Variants in DNAJC6 observed in about 807,000 individuals in gnomAD.
The protein encoded by DNAJC6 is auxilin.
A neutral mutation model predicts 110.0 loss-of-function variants in DNAJC6; 34 were observed. The observed-to-expected ratio is 0.31, with a 90% CI of 0.24 to 0.41. DNAJC6 has a LOEUF of 0.41. Among genes scored for constraint, DNAJC6 ranks in the 10% least tolerant of loss-of-function variants. The probability of loss-of-function intolerance (pLI) is 1.00; values close to 1 mark genes in which losing one functional copy is unlikely to be tolerated. For synonymous variants in DNAJC6, 406 were observed against 437.2 expected, an observed-to-expected ratio of 0.93 and a Z score of 0.89; for missense variants, 1,031 against 1,207.8, an observed-to-expected ratio of 0.85 and a Z score of 2.17.
At chr1:65,387,873 G>T (rs1437881332) in intron 8 of DNAJC6, among the ~76,000 whole-genome samples, 1 of 152,174 alleles carries the variant, frequency 6.6e-6, no homozygotes, top group Non-Finnish European at 1.5e-5. Context: ...GCCTTTAAGG[G>T]ACTCAATTTC....
At chr1:65,362,235 G>C (rs1046941496) in intron 1 of DNAJC6, among the ~76,000 whole-genome samples, 1 of 149,140 alleles carries the variant, frequency 6.7e-6, no homozygotes, top group Non-Finnish European at 1.5e-5. Flanking sequence ...TATAACATAG[G>C]AATAATAATA....
chr1:65,372,130 A>G (rs1306833874), intron 4 of DNAJC6, among the ~76,000 whole-genome samples: 1 of 148,794 alleles, frequency 6.7e-6, no homozygotes, highest in Non-Finnish European at 1.5e-5. Context: ...GACTCATTAC[A>G]GATATTGACA....
At chr1:65,302,523 CTTTTT>C (rs1169755787) in intron 1 of DNAJC6, among the ~76,000 whole-genome samples, 3 of 85,336 alleles carry the variant, frequency 3.5e-5, no homozygotes, top group African/African-American at 1.0e-4. Flanking sequence ...CTCTTCCTTT[CTTTTT>C]TTTTTTTTTT....
At chr1:65,349,079 AAT>A (rs1645465532) in intron 1 of DNAJC6, among the ~76,000 whole-genome samples, 4 of 109,118 alleles carry the variant, frequency 3.7e-5, no homozygotes, top group Non-Finnish European at 7.2e-5. Context: ...CATATATAAA[AAT>A]ATATATGTAA....
chr1:65,392,765 G>A lies in DNAJC6; in HGVS notation c.1803G>A (p.Val601=). 6.2e-7 allele frequency: 1 copy of A among 1,611,950 alleles called. No individual in the cohort carries two copies. The highest frequency in any genetic ancestry group is 8.5e-7 in the Non-Finnish European group (1 of 1,179,032). The change falls in exon 12 of 19, where the codon GTG becomes GTA. Residue 601 remains valine, a synonymous_variant. Transcript: ENST00000371069. The stretch of plus-strand genomic sequence containing the variant: ...CCACCCAGGCTGGACAGTCAGGAGT[G>A]GAAGATGTGTTTCATCCTAGTGGAC... ...AGPTQAGQSG[V]EDVFHPSGPA...
At chr1:65,357,647 G>C (rs554369043) in intron 1 of DNAJC6, among the ~76,000 whole-genome samples, 10 of 152,194 alleles carry the variant, frequency 6.6e-5, no homozygotes, top group African/African-American at 2.2e-4. Context: ...GTAGAAGGAT[G>C]TTCCTTCCTG....
chr1:65,329,603 G>T (rs530596107), intron 1 of DNAJC6, among the ~76,000 whole-genome samples: 1 of 152,182 alleles, frequency 6.6e-6, no homozygotes, highest in South Asian at 2.1e-4. Context: ...TCAGGATCGT[G>T]TAGCCAGATT....
intron 1 of DNAJC6, among the ~76,000 whole-genome samples, chr1:65,362,390 T>G (rs558031582): frequency 6.6e-6 from 1 of 152,340 alleles, no homozygotes; most frequent in South Asian, 2.1e-4. Flanking sequence ...ATTCTTTATT[T>G]TGAAAATCTT....
intron 1 of DNAJC6, among the ~76,000 whole-genome samples, chr1:65,347,460 G>T (rs748202296): frequency 4.9e-4 from 74 of 150,812 alleles, no homozygotes; most frequent in South Asian, 1.0e-3. Flanking sequence ...CAGCCATTTG[G>T]TTTCTTTCTG....
rs1443324565 is a variant in DNAJC6, at chr1:65,415,644, A to G, written c.*2619A>G. 1 of 152,266 alleles carries G rather than the reference A, an allele frequency of 6.6e-6. No individual in the cohort carries two copies. The highest frequency in any genetic ancestry group is 1.5e-5 in the Non-Finnish European group (1 of 68,048). 9.4% of individuals were successfully genotyped at this position (152,266 alleles called of 1,614,324 possible). A position where few individuals can be genotyped will look rare whatever the true frequency, so the allele number is the denominator to read the frequency against. ...ATTGAACCTGGAAGTCTGGGACTTTATCATAGAAACAAAGTCTCAGATATT... is the reference window on the plus strand; with the variant it reads ...ATTGAACCTGGAAGTCTGGGACTTTGTCATAGAAACAAAGTCTCAGATATT... On this transcript the variant is annotated 3_prime_UTR_variant, in exon 19 of 19. Coordinates refer to ENST00000371069, the MANE Select transcript of DNAJC6 (RefSeq NM_001256864.2).
rs1557544186 is a variant in DNAJC6 at position 65,366,035 on chromosome 1, A to T, written c.395-13A>T. On this transcript the variant is annotated splice_polypyrimidine_tract_variant and intron_variant, in intron 3 of 18. Coordinates refer to ENST00000371069, the MANE Select transcript of DNAJC6 (RefSeq NM_001256864.2). ...ATTTAACCTGTTTTCTTTCTGTGTG[A>T]TCTCTCTCCTAGTGATGTCCTTTCC... 4 of 1,613,544 alleles carry T rather than the reference A, an allele frequency of 2.5e-6. No homozygotes were observed. Among genetic ancestry groups the T allele is most frequent in the Non-Finnish European group, 3.4e-6 (4 of 1,179,696 alleles).
At chr1:65,302,198 T>C (rs1233759315) in intron 1 of DNAJC6, among the ~76,000 whole-genome samples, 1 of 94,124 alleles carries the variant, frequency 1.1e-5, no homozygotes, top group African/African-American at 4.2e-5. Flanking sequence ...TGTTAATATA[T>C]ACATTAATAT....
intron 1 of DNAJC6, among the ~76,000 whole-genome samples, chr1:65,265,759 T>C (rs1409456065): frequency 6.6e-6 from 1 of 152,168 alleles, no homozygotes; most frequent in South Asian, 2.1e-4. Flanking sequence ...CGATCCCGTT[T>C]CCAGGGGGAG....
At chr1:65,331,192 G>T (rs1044406501) in intron 1 of DNAJC6, among the ~76,000 whole-genome samples, 2 of 152,170 alleles carry the variant, frequency 1.3e-5, no homozygotes, top group African/African-American at 4.8e-5. Flanking sequence ...TCAGCTCCAG[G>T]GAAACAAGTC....
At chr1:65,396,691 GTAAT>G (rs1411495789) in intron 13 of DNAJC6, among the ~76,000 whole-genome samples, 1 of 152,146 alleles carries the variant, frequency 6.6e-6, no homozygotes, top group East Asian at 1.9e-4. Context: ...AGTATATGCA[GTAAT>G]TAACTTATGT....
chr1:65,278,940 G>A (rs1318118734), intron 1 of DNAJC6: 2 of 982,952 alleles, frequency 2.0e-6, no homozygotes, highest in East Asian at 2.3e-4. Context: ...CTGCGAGTCA[G>A]CACTTCACTC....
chr1:65,324,782 TGACACAA>T (rs1344063031), intron 1 of DNAJC6, among the ~76,000 whole-genome samples: 3 of 152,216 alleles, frequency 2.0e-5, no homozygotes, highest in Non-Finnish European at 4.4e-5. Flanking sequence ...CATTTTTAGT[TGACACAA>T]TAGTGGGGGG....
rs943033662 is a variant in DNAJC6, at chr1:65,311,384, C to G, written c.193+1446C>G. Reference sequence around the variant, plus strand: ...GGATTACAGGCACCTGTCACCATGCCCGGCTAATTTTTGTACTTTTAGTAG... The same window carrying G: ...GGATTACAGGCACCTGTCACCATGCGCGGCTAATTTTTGTACTTTTAGTAG... On this transcript the variant is annotated intron_variant, in intron 1 of 18. Transcript: ENST00000371069. Among the ~76,000 whole-genome samples the G allele has an allele frequency of 8.6e-5, 13 of 151,736 alleles. 1 individual carries two copies. The highest frequency in any genetic ancestry group is 5.9e-4 in the Admixed American group (9 of 15,218).
chr1:65,405,155 G>A (rs908889315), intron 15 of DNAJC6, among the ~76,000 whole-genome samples: 5 of 152,094 alleles, frequency 3.3e-5, no homozygotes, highest in African/African-American at 9.7e-5. Context: ...TTAAAAGTTT[G>A]GAGATTATGG....
Sources: gnomAD v4.1 joint callset for allele counts (sites outside exome capture counted in the v4.1 genomes callset) on GRCh38, gnomAD v4.1.1 for gene constraint, MANE v1.5 for transcripts, NCBI Gene and HGNC (gene_info 2026-07-23, HGNC 2026-07-21) for gene names.